Variants in ITGB1 observed in about 807,000 individuals in gnomAD.
ITGB1 encodes the protein integrin beta-1.
Under a neutral mutation model 86.5 loss-of-function variants are expected in ITGB1, and 24 were observed. That is an observed-to-expected ratio of 0.28 (90% CI 0.20 to 0.39). The LOEUF is 0.39. Among genes scored for constraint, ITGB1 ranks in the 10% least tolerant of loss-of-function variants. The probability of loss-of-function intolerance (pLI) is 1.00; values close to 1 mark genes in which losing one functional copy is unlikely to be tolerated. For synonymous variants in ITGB1, 323 were observed against 316.8 expected, an observed-to-expected ratio of 1.02 and a Z score of -0.21; for missense variants, 556 against 946.9, an observed-to-expected ratio of 0.59 and a Z score of 5.42.
At chr10:32,932,199 A>C (rs11596889) in intron 3 of ITGB1, among the ~76,000 whole-genome samples, 13,342 of 152,148 alleles carry the variant, frequency 0.088, 837 homozygotes, top group Admixed American at 0.2. Flanking sequence ...AAAAAAGAAA[A>C]AGAGAAAATT....
In ITGB1 at chr10:32,923,578, C is replaced by T. The variant is rs568859890; in HGVS notation, c.942+7G>A. 6.2e-7 allele frequency: 1 copy of T among 1,604,312 alleles called. No individual in the cohort carries two copies. Among genetic ancestry groups the T allele is most frequent in the South Asian group, 1.1e-5 (1 of 89,970 alleles). On this transcript the variant is annotated splice_region_variant and intron_variant, in intron 7 of 15. Coordinates refer to ENST00000302278, the MANE Select transcript of ITGB1 (RefSeq NM_002211.4). ...CACATTCACTATGTAAGGAACCAGGCACTTACATAATAATGGCTCATTGTG... is the reference window on the plus strand; with the variant it reads ...CACATTCACTATGTAAGGAACCAGGTACTTACATAATAATGGCTCATTGTG...
At chr10:32,915,706 C>A (rs548324304) in intron 11 of ITGB1, among the ~76,000 whole-genome samples, 1 of 152,076 alleles carries the variant, frequency 6.6e-6, no homozygotes, top group African/African-American at 2.4e-5. Flanking sequence ...CAAGACCAGA[C>A]GGATTCACAG....
intron 1 of ITGB1, among the ~76,000 whole-genome samples, chr10:32,945,578 G>A (rs908693983): frequency 2.6e-5 from 4 of 151,398 alleles, no homozygotes; most frequent in Non-Finnish European, 2.9e-5. Context: ...CAGCCTGGGC[G>A]ACAGACCGAG....
chr10:32,927,048 C>T (rs1310634628), intron 5 of ITGB1, among the ~76,000 whole-genome samples: 3 of 152,196 alleles, frequency 2.0e-5, no homozygotes, highest in African/African-American at 7.2e-5. Context: ...TTTCTTGGCA[C>T]ACCAGCTCTC....
At chr10:32,958,036 C>G (rs946555193) in intron 1 of ITGB1, 109 bp downstream of exon 1, 3 of 151,586 alleles carry the variant, frequency 2.0e-5, no homozygotes, top group African/African-American at 7.3e-5. Context: ...CCCCCACGCC[C>G]GGCACAAAGG....
At chr10:32,947,297 TA>T (rs35336165) in intron 1 of ITGB1, among the ~76,000 whole-genome samples, 133 of 147,746 alleles carry the variant, frequency 9.0e-4, no homozygotes, top group African/African-American at 3.2e-3. Context: ...TTTCATTAAA[TA>T]AAAAAAAAAG....
At chr10:32,906,054 A>G (rs1404478369) in intron 15 of ITGB1, among the ~76,000 whole-genome samples, 1 of 152,054 alleles carries the variant, frequency 6.6e-6, no homozygotes, top group Non-Finnish European at 1.5e-5. Flanking sequence ...TCACATACAC[A>G]CACAGACACA....
chr10:32,907,143 G>A lies in ITGB1; in HGVS notation c.2331+1225C>T, dbSNP rs766576162. ...GGACTCTTGTAAATCGGATTTTCTTGCTAAAGTAAAAGAAATAGTTTCTAA... is the reference window on the plus strand; with the variant it reads ...GGACTCTTGTAAATCGGATTTTCTTACTAAAGTAAAAGAAATAGTTTCTAA... On this transcript the variant is annotated intron_variant, in intron 15 of 15. Coordinates refer to ENST00000302278, the MANE Select transcript of ITGB1 (RefSeq NM_002211.4). 18 of 1,279,820 alleles carry A rather than the reference G, an allele frequency of 1.4e-5. No individual in the cohort carries two copies. The South Asian group carries it at 2.0e-4, about 14-fold the overall frequency. 79.3% of individuals were successfully genotyped at this position (1,279,820 alleles called of 1,614,324 possible).
chr10:32,908,599 C>A, intron 14 of ITGB1, 65 bp from the exon 15 acceptor site: 3 of 1,364,240 alleles, frequency 2.2e-6, no homozygotes, highest in Non-Finnish European at 3.1e-6. Flanking sequence ...AAAAAACATA[C>A]AGGAATAAAC....
chr10:32,911,177 T>A (rs1488933934), intron 13 of ITGB1, among the ~76,000 whole-genome samples: 2 of 152,224 alleles, frequency 1.3e-5, no homozygotes, highest in African/African-American at 4.8e-5. Flanking sequence ...AAATCTTAAT[T>A]GCCAAAATAA....
At chr10:32,912,941 C>A (rs1035545682) in intron 11 of ITGB1, among the ~76,000 whole-genome samples, 3 of 152,138 alleles carry the variant, frequency 2.0e-5, no homozygotes, top group Non-Finnish European at 4.4e-5. Context: ...TCATACAGCC[C>A]GGTGCCCCTC....
intron 1 of ITGB1, among the ~76,000 whole-genome samples, chr10:32,956,517 G>C (rs920839881): frequency 3.3e-5 from 5 of 152,108 alleles, no homozygotes; most frequent in Non-Finnish European, 7.3e-5. Flanking sequence ...AGGCCAGCCT[G>C]GGCAGCATAG....
chr10:32,955,701 G>C (rs2095050956), intron 1 of ITGB1: 1 of 152,146 alleles, frequency 6.6e-6, no homozygotes, highest in South Asian at 2.1e-4. Flanking sequence ...GTCACTCCCA[G>C]AGTTAGGAAG....
chr10:32,922,031 A>G (rs2094951622), intron 9 of ITGB1, among the ~76,000 whole-genome samples: 1 of 152,174 alleles, frequency 6.6e-6, no homozygotes, highest in South Asian at 2.1e-4. Context: ...TTATTTGGAA[A>G]TACTCCCCAC....
At chr10:32,910,167 G>T in intron 14 of ITGB1, 56 bp downstream of exon 14, 1 of 1,327,092 alleles carries the variant, frequency 7.5e-7, no homozygotes, top group South Asian at 1.3e-5. Flanking sequence ...GCCTAAATAA[G>T]CAGAAACAAG....
intron 15 of ITGB1, chr10:32,907,021 G>T (rs202230806): frequency 1.4e-5 from 14 of 989,244 alleles, no homozygotes; most frequent in Admixed American, 2.0e-5. Context: ...AAAAAAGATA[G>T]AAGTTCACAT....
chr10:32,919,769 T>G, intron 11 of ITGB1, 116 bp downstream of exon 11: 1 of 836,566 alleles, frequency 1.2e-6, no homozygotes. Context: ...CAACCGTGGT[T>G]GGAAAAAATA....
At chr10:32,918,526 C>G (rs1227427469) in intron 11 of ITGB1, among the ~76,000 whole-genome samples, 3 of 152,046 alleles carry the variant, frequency 2.0e-5, no homozygotes, top group Non-Finnish European at 4.4e-5. Context: ...CAGGGACAAA[C>G]ATACACAGGC....
In ITGB1 at chr10:32,932,540, G is replaced by A. The variant is rs766410858; in HGVS notation, c.128C>T (p.Pro43Leu). Residue 43 changes from proline to leucine, a missense_variant, in exon 3 of 16, where the codon CCA (proline) becomes CTA (leucine). Transcript: ENST00000302278. ...KSCGECIQAG[P>L]NCGWCTNSTF... is the part of the protein sequence containing the mutation. ...TGAATTTGTGCACCACCCACAATTT[G>A]GCCCTGCTTGTATACATTCTCCACA... 1 of 1,609,082 alleles carries A rather than the reference G, an allele frequency of 6.2e-7. No individual in the cohort carries two copies. Among genetic ancestry groups the A allele is most frequent in the East Asian group, 2.2e-5 (1 of 44,778 alleles).
Sources: gnomAD v4.1 joint callset for allele counts (sites outside exome capture counted in the v4.1 genomes callset) on GRCh38, gnomAD v4.1.1 for gene constraint, MANE v1.5 for transcripts, NCBI Gene and HGNC (gene_info 2026-07-23, HGNC 2026-07-21) for gene names.